The following PUM1 variants were observed in gnomAD, a reference collection of about 807,000 sequenced individuals.
PUM1 encodes pumilio homolog 1.
Under a neutral mutation model 131.8 loss-of-function variants are expected in PUM1, and 13 were observed. The ratio of observed to expected loss-of-function variants is 0.10; its 90% CI spans 0.06 to 0.16. The LOEUF (loss-of-function observed/expected upper bound fraction) is 0.16. Among genes scored for constraint, PUM1 ranks in the 10% least tolerant of loss-of-function variants. PUM1 has a pLI of 1.00. For synonymous variants in PUM1, 509 were observed against 556.5 expected, an observed-to-expected ratio of 0.91 and a Z score of 1.20; for missense variants, 961 against 1,512.4, an observed-to-expected ratio of 0.64 and a Z score of 6.05.
chr1:31,056,967 A>G (rs1454995023), intron 2 of PUM1, among the ~76,000 whole-genome samples: 1 of 151,782 alleles, frequency 6.6e-6, no homozygotes, highest in Non-Finnish European at 1.5e-5. Context: ...TAATTTCTGC[A>G]TTTTTAGTAG....
intron 2 of PUM1, among the ~76,000 whole-genome samples, chr1:31,046,255 G>A (rs907598674): frequency 1.9e-4 from 28 of 151,056 alleles, no homozygotes; most frequent in African/African-American, 4.4e-4. Flanking sequence ...GTGTGGTGGC[G>A]CACGCCTGTA....
intron 2 of PUM1, among the ~76,000 whole-genome samples, chr1:31,039,224 T>C: frequency 1.4e-5 from 2 of 144,166 alleles, no homozygotes; most frequent in African/African-American, 5.1e-5. Context: ...AAAAAAAAAT[T>C]TTTTTTTTTT....
At chr1:31,000,467 G>A (rs1642167420) in intron 5 of PUM1, among the ~76,000 whole-genome samples, 1 of 152,124 alleles carries the variant, frequency 6.6e-6, no homozygotes, top group South Asian at 2.1e-4. Flanking sequence ...TCAAAGAACT[G>A]GGAGAAAAGC....
At chr1:30,996,413 G>A (rs1028853525) in intron 5 of PUM1, among the ~76,000 whole-genome samples, 3 of 152,218 alleles carry the variant, frequency 2.0e-5, no homozygotes, top group African/African-American at 7.2e-5. Flanking sequence ...ACTGTGGACA[G>A]GCCTGTAGAT....
At chr1:30,989,239 C>G (rs947008725) in intron 7 of PUM1, among the ~76,000 whole-genome samples, 8 of 152,060 alleles carry the variant, frequency 5.3e-5, no homozygotes, top group African/African-American at 1.9e-4. Flanking sequence ...TTCTCATTTT[C>G]TTCGTATATA....
intron 3 of PUM1, among the ~76,000 whole-genome samples, chr1:31,021,530 T>A (rs1000423044): frequency 1.3e-5 from 2 of 152,154 alleles, no homozygotes; most frequent in Non-Finnish European, 2.9e-5. Flanking sequence ...AGCCCCACCC[T>A]CAACAAACTT....
rs1570119447 is a variant in PUM1, at chr1:30,953,728, G to A, written c.2577C>T (p.Asp859=). ...CAAGTACTCACCTGGACCCATGCTG[G>A]TCTTGGGAAAATTCCATTATATGTC... The part of the protein sequence containing the change: ...IAGHIMEFSQ[D]QHGSRFIQLK... The change falls in exon 15 of 22, where the codon GAC becomes GAT. Residue 859 remains aspartate (D), a synonymous_variant. Transcript: ENST00000426105. 1 of 1,614,196 alleles carries A rather than the reference G, an allele frequency of 6.2e-7. No homozygotes were observed. Among genetic ancestry groups the A allele is most frequent in the South Asian group, 1.1e-5 (1 of 91,088 alleles).
intron 2 of PUM1, 46 bp downstream of exon 2, chr1:31,059,158 T>C: frequency 1.3e-6 from 2 of 1,516,760 alleles, no homozygotes; most frequent in Non-Finnish European, 1.8e-6. Flanking sequence ...AAGTGGACAG[T>C]GATTATAAAG....
At chr1:31,020,090 G>A (rs1642966564) in intron 3 of PUM1, among the ~76,000 whole-genome samples, 1 of 152,088 alleles carries the variant, frequency 6.6e-6, no homozygotes, top group Non-Finnish European at 1.5e-5. Context: ...GGAGTCCTCA[G>A]GGTCTACTGT....
At chr1:31,064,511 G>C (rs1440985838) in intron 1 of PUM1, among the ~76,000 whole-genome samples, 1 of 151,986 alleles carries the variant, frequency 6.6e-6, no homozygotes, top group Non-Finnish European at 1.5e-5. Context: ...TAAGTTTTTA[G>C]GTGCTTTCAA....
At chr1:31,027,802 G>A (rs1373937293) in intron 3 of PUM1, among the ~76,000 whole-genome samples, 5 of 152,196 alleles carry the variant, frequency 3.3e-5, no homozygotes, top group African/African-American at 1.2e-4. Context: ...CACAGTGCCT[G>A]GGGATCAAAC....
At chr1:30,970,471 C>G (rs1313181722) in intron 10 of PUM1, among the ~76,000 whole-genome samples, 1 of 152,136 alleles carries the variant, frequency 6.6e-6, no homozygotes, top group African/African-American at 2.4e-5. Context: ...CTGCCTGATA[C>G]CCAGGAGATC....
In PUM1 at chr1:31,000,173, G is replaced by A. The variant is rs1642154486; in HGVS notation, c.721-4953C>T. 3.9e-5 allele frequency among the ~76,000 whole-genome samples: 6 copies of A among 152,316 alleles called. No homozygotes were observed. In the South Asian group the frequency reaches 1.2e-3, roughly 32 times the overall value. On this transcript the variant is annotated intron_variant, in intron 5 of 21. Coordinates refer to ENST00000426105, the MANE Select transcript of PUM1 (RefSeq NM_001020658.2). ...GTAATTAAATGCAACATAAGCATCA[G>A]AAAGGCATGGTTTGTGATTTGCTTT...
intron 21 of PUM1, among the ~76,000 whole-genome samples, 161 bp from the exon 22 acceptor site, chr1:30,933,503 T>C (rs1407207525): frequency 2.0e-5 from 3 of 147,514 alleles, no homozygotes; most frequent in Non-Finnish European, 4.5e-5. Context: ...GCAATACCTT[T>C]CACTGGCTCA....
At chr1:30,943,530 G>A (rs934112707) in intron 18 of PUM1, among the ~76,000 whole-genome samples, 2 of 152,182 alleles carry the variant, frequency 1.3e-5, no homozygotes, top group African/African-American at 4.8e-5. Flanking sequence ...GGGATTACAG[G>A]TGTGAACCAC....
intron 2 of PUM1, among the ~76,000 whole-genome samples, chr1:31,046,599 C>T (rs1370322839): frequency 2.7e-5 from 4 of 149,380 alleles, no homozygotes; most frequent in African/African-American, 9.9e-5. Flanking sequence ...CTTCCGCCTC[C>T]GGGGTTCAAG....
chr1:31,016,438 G>T (rs553486412), intron 3 of PUM1, among the ~76,000 whole-genome samples: 22 of 152,146 alleles, frequency 1.4e-4, no homozygotes, highest in Admixed American at 1.4e-3. Context: ...TTCTCTTTCA[G>T]TGAAGGAATA....
intron 3 of PUM1, among the ~76,000 whole-genome samples, chr1:31,017,599 A>G (rs1044330294): frequency 1.3e-5 from 2 of 151,798 alleles, no homozygotes; most frequent in African/African-American, 4.8e-5. Flanking sequence ...CATTCTTCCA[A>G]TGTGGTCCAG....
rs1381285421 is a variant in PUM1, at chr1:31,009,789, A to AAAAACG, written c.433-2688_433-2687insCGTTTT. Among the ~76,000 whole-genome samples the AAAAACG allele has an allele frequency of 4.3e-5, 6 of 140,250 alleles. No homozygotes were observed. In the East Asian group the frequency reaches 1.2e-3, roughly 29 times the overall value. 92.0% of individuals were successfully genotyped at this position (140,250 alleles called of 152,430 possible). A position where few individuals can be genotyped will look rare whatever the true frequency, so the allele number is the denominator to read the frequency against. ...TCTCAAAAAAAAAAAAAAAAAAAAC[A>AAAAACG]AAAACAGAAACAAAAAAAAACACCT... On this transcript the variant is annotated intron_variant, in intron 3 of 21. Transcript: ENST00000426105.
Sources: allele counts gnomAD v4.1 joint callset (sites outside exome capture counted in the v4.1 genomes callset), GRCh38; gene constraint gnomAD v4.1.1; transcripts MANE v1.5; gene names NCBI Gene and HGNC (gene_info 2026-07-23, HGNC 2026-07-21).